The following RBFOX1 variants were observed in gnomAD, a reference collection of about 807,000 sequenced individuals.
The protein encoded by RBFOX1 is RNA binding protein fox-1 homolog 1.
Under a neutral mutation model 57.7 loss-of-function variants are expected in RBFOX1, and 8 were observed. That is an observed-to-expected ratio of 0.14 (90% CI 0.08 to 0.25). The LOEUF (loss-of-function observed/expected upper bound fraction) is 0.25. Among genes scored for constraint, RBFOX1 ranks in the 10% least tolerant of loss-of-function variants. The pLI is 1.00. For synonymous variants in RBFOX1, 326 were observed against 222.4 expected (o/e 1.47, Z -4.15); for missense variants, 611 against 548.5 (o/e 1.11, Z -1.14).
chr16:7,707,672 ATCAC>A (rs1409065537), intron 14 of RBFOX1, among the ~76,000 whole-genome samples: 1 of 152,160 alleles, frequency 6.6e-6, no homozygotes, highest in East Asian at 1.9e-4. Flanking sequence ...TCAATGGTGC[ATCAC>A]TCACTCCTCA....
chr16:7,092,994 C>G (rs1019198955), intron 4 of RBFOX1, among the ~76,000 whole-genome samples: 1 of 152,194 alleles, frequency 6.6e-6, no homozygotes, highest in East Asian at 1.9e-4. Flanking sequence ...TTGCCTCTGG[C>G]AGTCAAAGGA....
At chr16:6,236,641 G>A (rs1479498242) in intron 1 of RBFOX1, among the ~76,000 whole-genome samples, 1 of 151,904 alleles carries the variant, frequency 6.6e-6, no homozygotes, top group Non-Finnish European at 1.5e-5. Flanking sequence ...AGTAGAGGTG[G>A]GGTTTCACCA....
intron 2 of RBFOX1, among the ~76,000 whole-genome samples, chr16:6,375,328 G>T (rs917567724): frequency 2.2e-4 from 34 of 151,764 alleles, no homozygotes; most frequent in Non-Finnish European, 1.2e-4. Context: ...CCTTCCCTGT[G>T]TCATTTCTCT....
chr16:5,477,154 A>G (rs1411405000), intron 2 of RBFOX1, among the ~76,000 whole-genome samples: 2 of 152,192 alleles, frequency 1.3e-5, no homozygotes, highest in Admixed American at 1.3e-4. Flanking sequence ...AGCTGCAAGC[A>G]CAGGCGCATG....
At chr16:6,997,182 G>T (rs1161882316) in intron 3 of RBFOX1, among the ~76,000 whole-genome samples, 1 of 152,010 alleles carries the variant, frequency 6.6e-6, no homozygotes, top group Non-Finnish European at 1.5e-5. Flanking sequence ...AATTATCTTA[G>T]CATTTTCCCC....
intron 4 of RBFOX1, among the ~76,000 whole-genome samples, chr16:7,437,809 G>A (rs1362011424): frequency 6.6e-6 from 1 of 151,714 alleles, no homozygotes; most frequent in Non-Finnish European, 1.5e-5. Flanking sequence ...AGATTTAGAT[G>A]TGCTGGTCGG....
chr16:5,904,676 C>G (rs1393395393), intron 4 of RBFOX1, among the ~76,000 whole-genome samples: 1 of 152,038 alleles, frequency 6.6e-6, no homozygotes, highest in African/African-American at 2.4e-5. Context: ...AAGACAGCAT[C>G]TTGAAGAGAT....
intron 3 of RBFOX1, among the ~76,000 whole-genome samples, chr16:6,863,670 T>A (rs199601476): frequency 9.5e-6 from 1 of 105,554 alleles, no homozygotes; most frequent in Non-Finnish European, 1.8e-5. Flanking sequence ...TTTTTTTCCT[T>A]AAAAAAAAAA....
intron 2 of RBFOX1, among the ~76,000 whole-genome samples, chr16:6,416,575 C>G (rs1237813755): frequency 6.6e-6 from 1 of 152,002 alleles, no homozygotes; most frequent in South Asian, 2.1e-4. Context: ...AAGAGTGGCA[C>G]CGAGGCTTCT....
At chr16:7,027,174 C>G (rs2041221600) in intron 3 of RBFOX1, among the ~76,000 whole-genome samples, 1 of 152,134 alleles carries the variant, frequency 6.6e-6, no homozygotes, top group African/African-American at 2.4e-5. Flanking sequence ...CTGAGTGTTT[C>G]CTGAAGGCAG....
At chr16:7,036,385 C>T (rs965463255) in intron 3 of RBFOX1, among the ~76,000 whole-genome samples, 1 of 152,018 alleles carries the variant, frequency 6.6e-6, no homozygotes, top group Non-Finnish European at 1.5e-5. Flanking sequence ...AATGCAGATC[C>T]CCAGATAGGG....
chr16:6,559,329 T>C (rs969128386), intron 2 of RBFOX1, among the ~76,000 whole-genome samples: 1 of 151,708 alleles, frequency 6.6e-6, no homozygotes, highest in African/African-American at 2.4e-5. Context: ...ATTTAGAACA[T>C]GTATATGTAT....
chr16:7,315,591 C>G (rs1019870564), intron 4 of RBFOX1, among the ~76,000 whole-genome samples: 3 of 151,378 alleles, frequency 2.0e-5, no homozygotes, highest in African/African-American at 7.3e-5. Context: ...GAAATTGAAG[C>G]AAATATTCAT....
At chr16:6,355,846 A>C (rs1002887950) in intron 2 of RBFOX1, among the ~76,000 whole-genome samples, 2 of 152,158 alleles carry the variant, frequency 1.3e-5, no homozygotes, top group Non-Finnish European at 2.9e-5. Context: ...TATTCTTTCA[A>C]CTAGAAGTTG....
At chr16:6,807,161 G>C (rs1677030977) in intron 3 of RBFOX1, among the ~76,000 whole-genome samples, 1 of 151,726 alleles carries the variant, frequency 6.6e-6, no homozygotes, top group African/African-American at 2.4e-5. Context: ...TAAAACACTG[G>C]TTACAATGTG....
chr16:5,482,176 C>G (rs1337213944), intron 2 of RBFOX1, among the ~76,000 whole-genome samples: 2 of 152,170 alleles, frequency 1.3e-5, no homozygotes, highest in African/African-American at 4.8e-5. Flanking sequence ...TTTCAAGTCC[C>G]AGGATTTGTA....
At chr16:6,303,004 C>G (rs1212436514) in intron 1 of RBFOX1, among the ~76,000 whole-genome samples, 1 of 152,082 alleles carries the variant, frequency 6.6e-6, no homozygotes, top group African/African-American at 2.4e-5. Context: ...TGGGGCAGAC[C>G]CCACTGCCAT....
At chr16:6,611,982 C>G (rs2098064449) in intron 2 of RBFOX1, among the ~76,000 whole-genome samples, 3 of 149,984 alleles carry the variant, frequency 2.0e-5, no homozygotes, top group African/African-American at 4.8e-5. Flanking sequence ...TCTTTGGCCT[C>G]TCAGATCTCC....
intron 4 of RBFOX1, among the ~76,000 whole-genome samples, chr16:5,908,133 TAC>T (rs1186040856): frequency 2.3e-5 from 3 of 131,720 alleles, no homozygotes; most frequent in Admixed American, 7.3e-5. Flanking sequence ...CATATATATA[TAC>T]ACATATATAC....
Sources: allele counts gnomAD v4.1 joint callset (sites outside exome capture counted in the v4.1 genomes callset), GRCh38; gene constraint gnomAD v4.1.1; transcripts MANE v1.5; gene names NCBI Gene and HGNC (gene_info 2026-07-23, HGNC 2026-07-21).